The following IGFN1 variants were observed in gnomAD, a reference collection of about 807,000 sequenced individuals.
IGFN1 encodes immunoglobulin-like and fibronectin type III domain-containing protein 1.
In IGFN1, 253 loss-of-function variants were observed where a neutral mutation model predicts 289.5. That is an observed-to-expected ratio of 0.87 (90% CI 0.79 to 0.97). IGFN1 has a LOEUF of 0.97. Among genes scored for constraint, IGFN1 ranks in the 50% least tolerant of loss-of-function variants. The probability of loss-of-function intolerance (pLI) is 0.00; values close to 1 mark genes in which losing one functional copy is unlikely to be tolerated. For synonymous variants in IGFN1, 1,706 were observed against 1,788.5 expected (o/e 0.95, Z 1.16); for missense variants, 4,470 against 4,686.1 (o/e 0.95, Z 1.35).
rs1461178212 is a variant in IGFN1, at chr1:201,206,654, A to G, written c.1761A>G (p.Gln587=). The part of the protein sequence containing the change: ...GKEHRGDSGR[Q]LDRHAPEQLW... ...AGCACAGAGGGGACAGTGGAAGACA[A>G]CTGGACAGGCATGCCCCAGAGCAAC... is the stretch of plus-strand genomic sequence containing the variant. Residue 587 remains glutamine, a synonymous_variant, in exon 12 of 24, where the codon CAA becomes CAG. Transcript: ENST00000335211. The G allele has an allele frequency of 6.5e-7, 1 of 1,538,038 alleles. No homozygotes were observed. The highest frequency in any genetic ancestry group is 2.0e-5 in the Admixed American group (1 of 50,996).
chr1:201,209,076 G>T lies in IGFN1; in HGVS notation c.4183G>T (p.Gly1395Cys), dbSNP rs768361837. The T allele has an allele frequency of 2.7e-5, 42 of 1,536,540 alleles. No homozygotes were observed. Among genetic ancestry groups the T allele is most frequent in the Non-Finnish European group, 3.2e-5 (37 of 1,146,756 alleles). The change falls in exon 12 of 24, where the codon GGT becomes TGT. Residue 1395 changes from glycine to cysteine, a missense_variant. By Grantham distance (159) the Gly-to-Cys change is radical (BLOSUM62 -3). Transcript: ENST00000335211. ...GGGAATGGGTGCAGGTTACAGGGCTGGTTTAAGGGGTCCTGGGGAGATGGG... is the reference window on the plus strand; with the variant it reads ...GGGAATGGGTGCAGGTTACAGGGCTTGTTTAAGGGGTCCTGGGGAGATGGG... The part of the protein sequence containing the change: ...PEGMGAGYRA[G>C]LRGPGEMGSL...
Position 201,212,317 on chromosome 1 carries a change from T to A in IGFN1, c.7424T>A (p.Ile2475Asn). ...KDLGGYGTSG[I>N]PEASEAAGAK... Reference sequence around the variant, plus strand: ...CTTGGGGGCTATGGAACTTCAGGGATCCCTGAGGCCTCGGAGGCTGCTGGT... The same window carrying A: ...CTTGGGGGCTATGGAACTTCAGGGAACCCTGAGGCCTCGGAGGCTGCTGGT... Residue 2475 changes from isoleucine (I) to asparagine (N), a missense_variant, in exon 12 of 24, where the codon ATC becomes AAC. Transcript: ENST00000335211. 1 of 1,536,560 alleles carries A rather than the reference T, an allele frequency of 6.5e-7. No individual in the cohort carries two copies. Among genetic ancestry groups the A allele is most frequent in the Non-Finnish European group, 8.7e-7 (1 of 1,146,758 alleles).
rs1558135587 is a variant in IGFN1 at position 201,200,315 on chromosome 1, CGAG to C, written c.538_540del (p.Glu180del). On this transcript the variant is annotated inframe_deletion, in exon 8 of 24. Coordinates refer to ENST00000335211, the MANE Select transcript of IGFN1 (RefSeq NM_001164586.2). ...TGATGACAGCAGACAGGAAGGACTA[CGAG>C]AAGATCTGCTTGAAGTATGGCATCG... 1 of 1,551,708 alleles carries C rather than the reference CGAG, an allele frequency of 6.4e-7. No individual in the cohort carries two copies. Among genetic ancestry groups the C allele is most frequent in the South Asian group, 1.2e-5 (1 of 84,050 alleles).
At chr1:201,197,371 G>T in intron 5 of IGFN1, 54 bp downstream of exon 5, 1 of 1,126,374 alleles carries the variant, frequency 8.9e-7, no homozygotes. Flanking sequence ...GACCCACAGA[G>T]GAATCAGATG....
At chr1:201,204,680 T>C (rs958011340) in intron 10 of IGFN1, among the ~76,000 whole-genome samples, 2 of 152,226 alleles carry the variant, frequency 1.3e-5, no homozygotes, top group Admixed American at 6.5e-5. Flanking sequence ...TGCGTAAGAC[T>C]GGGGCAAGTT....
chr1:201,201,705 T>C lies in IGFN1; in HGVS notation c.634-14T>C, dbSNP rs1466196416. 3 of 1,397,326 alleles carry C rather than the reference T, an allele frequency of 2.1e-6. No homozygotes were observed. The highest frequency in any genetic ancestry group is 2.0e-6 in the Non-Finnish European group (2 of 1,005,882). The allele number at this position is 1,397,326 out of a possible 1,614,324, so 86.6% of individuals were successfully genotyped here. On this transcript the variant is annotated splice_polypyrimidine_tract_variant and intron_variant, in intron 8 of 23. Coordinates refer to ENST00000335211, the MANE Select transcript of IGFN1 (RefSeq NM_001164586.2). ...TTCATGAGCTCTCCTGCTGGGTGTT[T>C]GTCTGCTTTGTAGTACATCAACACC... is the stretch of plus-strand genomic sequence containing the variant.
Position 201,206,768 on chromosome 1 carries a change from G to A in IGFN1, c.1875G>A (p.Lys625=). ...CTGTAGGGTCCTGGCCAAGAGGAAA[G>A]CAGATAGAGATTTCACAGGATGACA... The part of the protein sequence containing the change: ...SDPVGSWPRG[K]QIEISQDDSL... Residue 625 remains lysine (K), a synonymous_variant, in exon 12 of 24, where the codon AAG becomes AAA. Transcript: ENST00000335211. 3.3e-6 allele frequency: 5 copies of A among 1,536,904 alleles called. No homozygotes were observed. Among genetic ancestry groups the A allele is most frequent in the Non-Finnish European group, 3.5e-6 (4 of 1,146,922 alleles).
intron 5 of IGFN1, among the ~76,000 whole-genome samples, 154 bp downstream of exon 5, chr1:201,197,471 G>A (rs888290787): frequency 2.6e-5 from 4 of 152,342 alleles, no homozygotes; most frequent in South Asian, 4.1e-4. Context: ...GCTGGGCCCC[G>A]GGCTTCATCC....
rs541038364 is a variant in IGFN1, at chr1:201,206,216, G to C, written c.1323G>C (p.Arg441Ser). The C allele has an allele frequency of 1.6e-4, 254 of 1,548,572 alleles. 1 individual carries two copies. The African/African-American group carries it at 2.5e-3, about 15-fold the overall frequency. ...QGEKSREQGP[R>S]GGSLEGAGPA... The stretch of plus-strand genomic sequence containing the variant: ...AGAAATCCAGAGAGCAGGGCCCCAG[G>C]GGGGGCTCCCTTGAAGGGGCTGGGC... The change falls in exon 12 of 24, where the codon AGG (arginine) becomes AGC (serine). Residue 441 changes from arginine to serine, a missense_variant. Around this residue, in one of 8 missense-constraint regions of IGFN1, gnomAD observed 2,011 missense variants for 1,953.4 expected, o/e 1.03. Coordinates refer to ENST00000335211, the MANE Select transcript of IGFN1 (RefSeq NM_001164586.2).
intron 12 of IGFN1, 93 bp downstream of exon 12, chr1:201,213,714 C>A: frequency 9.3e-7 from 1 of 1,076,808 alleles, no homozygotes; most frequent in South Asian, 1.5e-5. Context: ...CCAGTTCTGC[C>A]TCCAGCCCCA....
chr1:201,198,892 T>C (rs925133575), intron 5 of IGFN1, among the ~76,000 whole-genome samples: 6 of 152,220 alleles, frequency 3.9e-5, no homozygotes, highest in South Asian at 2.1e-4. Context: ...AGAATACAAA[T>C]GGCTGCAGGA....
Position 201,207,848 on chromosome 1 carries a change from C to A in IGFN1, c.2955C>A (p.Ser985=). Residue 985 remains serine (S), a synonymous_variant, in exon 12 of 24, where the codon TCC becomes TCA. Coordinates refer to ENST00000335211, the MANE Select transcript of IGFN1 (RefSeq NM_001164586.2). ...CAGGGGTTCCAGGAGAAATGGGGTC[C>A]GGCCATGGTGCTGGTTGTAGAGTTT... ...YGSGVPGEMG[S]GHGAGCRVSP... is the part of the protein sequence containing the mutation. 6.5e-7 allele frequency: 1 copy of A among 1,535,600 alleles called. No homozygotes were observed. The highest frequency in any genetic ancestry group is 8.7e-7 in the Non-Finnish European group (1 of 1,146,044).
At chr1:201,223,705 C>T (rs1653902234) in intron 20 of IGFN1, among the ~76,000 whole-genome samples, 1 of 152,142 alleles carries the variant, frequency 6.6e-6, no homozygotes. Flanking sequence ...TGTGTTTCAC[C>T]TTCCTCATCT....
intron 16 of IGFN1, 143 bp from the exon 17 acceptor site, chr1:201,217,144 C>G: frequency 1.4e-6 from 1 of 692,322 alleles, no homozygotes; most frequent in Non-Finnish European, 2.4e-6. Context: ...TGACCTAGGG[C>G]GGGCTGCCTC....
chr1:201,225,837 C>T lies in IGFN1; in HGVS notation c.10500C>T (p.Ala3500=), dbSNP rs545610095. The T allele has an allele frequency of 4.3e-6, 7 of 1,612,228 alleles. No individual in the cohort carries two copies. The African/African-American group carries it at 9.3e-5, about 21-fold the overall frequency. ...TCTCTCCTGAAGCATGCCCGCAGGC[C>T]CCTGGGCCCATCCACCTGCAGGAGA... ...FRIRVAACPQ[A]PGPIHLQENV... is the part of the protein sequence containing the mutation. Residue 3500 remains alanine (A), a synonymous_variant, in exon 22 of 24, where the codon GCC becomes GCT. Transcript: ENST00000335211.
At chr1:201,228,350 C>T (rs1411615023) in intron 23 of IGFN1, 36 bp from the exon 24 acceptor site, 3 of 1,611,914 alleles carry the variant, frequency 1.9e-6, no homozygotes, top group South Asian at 1.1e-5. Flanking sequence ...GGGTGGCTGC[C>T]CCTCTGAACC....
intron 23 of IGFN1, 105 bp downstream of exon 23, chr1:201,227,313 G>A (rs994473105): frequency 2.4e-6 from 2 of 839,126 alleles, no homozygotes; most frequent in African/African-American, 1.7e-5. Context: ...TCAGCCGGGA[G>A]TCAGGAGACC....
chr1:201,214,307 G>A lies in IGFN1; in HGVS notation c.8853+6G>A. 1 of 1,604,346 alleles carries A rather than the reference G, an allele frequency of 6.2e-7. No homozygotes were observed. Among genetic ancestry groups the A allele is most frequent in the South Asian group, 1.1e-5 (1 of 90,568 alleles). On this transcript the variant is annotated splice_donor_region_variant and intron_variant, in intron 13 of 23. Transcript: ENST00000335211. The stretch of plus-strand genomic sequence containing the variant: ...GGTTTAAGGATGGCGTCAAGGTACT[G>A]CCTCCCCTCACACCTTCTCTTTACC...
intron 8 of IGFN1, among the ~76,000 whole-genome samples, chr1:201,200,830 T>C (rs1558135993): frequency 7.8e-6 from 1 of 129,016 alleles, no homozygotes; most frequent in Non-Finnish European, 1.7e-5. Flanking sequence ...GTTTATTTCT[T>C]TCTTTTTTTT....
Sources: gnomAD v4.1 joint callset for allele counts (sites outside exome capture counted in the v4.1 genomes callset) on GRCh38, gnomAD v4.1.1 for gene constraint, gnomAD v4.1.1 regional missense constraint, MANE v1.5 for transcripts, NCBI Gene and HGNC (gene_info 2026-07-23, HGNC 2026-07-21) for gene names.